The following MBNL2 variants were observed in gnomAD, a reference collection of about 807,000 sequenced individuals.
MBNL2 encodes the protein muscleblind like splicing regulator 2.
MBNL2 carries 17 observed loss-of-function variants against 41.9 expected under a neutral mutation model. The ratio of observed to expected loss-of-function variants is 0.41; its 90% CI spans 0.28 to 0.61. The LOEUF is 0.61. Ranked by LOEUF, MBNL2 falls within the 20% of genes least tolerant of loss-of-function variation. The pLI is 0.35. For missense variants in MBNL2, 336 were observed against 505.6 expected (o/e 0.66, Z 3.22); for synonymous variants, 195 against 182.9 (o/e 1.07, Z -0.53).
At chr13:97,311,680 A>G (rs2058624208) in intron 2 of MBNL2, among the ~76,000 whole-genome samples, 1 of 151,542 alleles carries the variant, frequency 6.6e-6, no homozygotes, top group Admixed American at 6.6e-5. Context: ...AAAAAAAACC[A>G]TGTGTAGATG....
At chr13:97,321,661 C>A (rs772475502) in intron 2 of MBNL2, among the ~76,000 whole-genome samples, 28 of 152,172 alleles carry the variant, frequency 1.8e-4, no homozygotes, top group Non-Finnish European at 3.4e-4. Context: ...CATTTCCTTA[C>A]CTTTAAATTG....
the MBNL2 span, among the ~76,000 whole-genome samples, chr13:97,160,521 A>G: frequency 6.6e-6 from 1 of 152,112 alleles, no homozygotes; most frequent in Non-Finnish European, 1.5e-5. Flanking sequence ...ATGAGGTGAC[A>G]CTAAATTTAA....
the MBNL2 span, among the ~76,000 whole-genome samples, chr13:97,185,118 C>T: frequency 6.6e-6 from 1 of 152,132 alleles, no homozygotes; most frequent in East Asian, 1.9e-4. Flanking sequence ...AGTGTTCATA[C>T]CTTAAGTTAT....
intron 1 of MBNL2, among the ~76,000 whole-genome samples, chr13:97,235,766 A>G (rs2043159736): frequency 1.3e-5 from 2 of 152,100 alleles, no homozygotes; most frequent in African/African-American, 4.8e-5. Context: ...AGAGCTGCAG[A>G]CGCTAGAGGG....
chr13:97,269,678 T>A (rs1566378950), intron 1 of MBNL2, among the ~76,000 whole-genome samples: 1 of 152,216 alleles, frequency 6.6e-6, no homozygotes, highest in Non-Finnish European at 1.5e-5. Flanking sequence ...GCTTAAGGTT[T>A]TTGTAGTGAC....
the MBNL2 span, among the ~76,000 whole-genome samples, chr13:97,199,221 G>A: frequency 2.8e-4 from 42 of 152,142 alleles, no homozygotes; most frequent in Non-Finnish European, 3.5e-4. Context: ...CCCTTACATC[G>A]TTCATGTCTC....
At chr13:97,199,191 C>T in the MBNL2 span, among the ~76,000 whole-genome samples, 2 of 152,186 alleles carry the variant, frequency 1.3e-5, no homozygotes, top group Non-Finnish European at 2.9e-5. Context: ...ACTGGTCCTC[C>T]AGAGATCTGA....
chr13:97,346,137 G>A lies in MBNL2; in HGVS notation c.541-667G>A, dbSNP rs77290446. 0.016 allele frequency among the ~76,000 whole-genome samples: 2,441 copies of A among 152,098 alleles called. 64 individuals are homozygous for A. Among genetic ancestry groups the A allele is most frequent in the African/African-American group, 0.048 (2,000 of 41,504 alleles). ...TGAATGAATGGCTGGCTGGATGGAC[G>A]GATAGATAGATGGTAGGTAGGTAGA... On this transcript the variant is annotated intron_variant, in intron 4 of 8. Coordinates refer to ENST00000679496, the MANE Select transcript of MBNL2 (RefSeq NM_001382683.1). The surrounding 1 kb of genome is among the most constrained non-coding windows in gnomAD (Gnocchi z 4.2).
At chr13:97,376,803 A>G (rs1447298846) in intron 8 of MBNL2, among the ~76,000 whole-genome samples, 1 of 152,200 alleles carries the variant, frequency 6.6e-6, no homozygotes, top group Non-Finnish European at 1.5e-5. Context: ...CCACCATCAT[A>G]CCATACCTCT....
At position 97,321,418 on chromosome 13, in the gene MBNL2, C is replaced by T. The variant is rs191329052; in HGVS notation, c.175-12858C>T. Among the ~76,000 whole-genome samples, 144 of 152,298 alleles carry T rather than the reference C, an allele frequency of 9.5e-4. 1 individual carries two copies. Among genetic ancestry groups the T allele is most frequent in the Admixed American group, 2.0e-3 (30 of 15,306 alleles). On this transcript the variant is annotated intron_variant, in intron 2 of 8. Transcript: ENST00000679496. The stretch of plus-strand genomic sequence containing the variant: ...ACATTTAACAGGCTTGGGACAGTGT[C>T]TGTTTTCTACTATCCACTGTCACCT...
Position 97,334,174 on chromosome 13 carries a change from A to ACACACACACC in MBNL2, c.175-100_175-99insCACACACCCA. 1.1e-6 allele frequency: 1 copy of ACACACACACC among 882,710 alleles called. No homozygotes were observed. Among genetic ancestry groups the ACACACACACC allele is most frequent in the Non-Finnish European group, 1.8e-6 (1 of 564,404 alleles). 54.7% of individuals were successfully genotyped at this position (882,710 alleles called of 1,614,324 possible). ...CACACACACACACACACACACACAC[A>ACACACACACC]CAGGATCCTTGCTTTTGTGCATAAG... is the stretch of plus-strand genomic sequence containing the variant. On this transcript the variant is annotated intron_variant, in intron 2 of 8. Transcript: ENST00000679496. This position sits in a 1 kb window ranked among gnomAD's most constrained non-coding sequence, Gnocchi z 5.3.
At chr13:97,269,160 A>T (rs2050420442) in intron 1 of MBNL2, among the ~76,000 whole-genome samples, 2 of 152,200 alleles carry the variant, frequency 1.3e-5, no homozygotes, top group African/African-American at 4.8e-5. Flanking sequence ...GGAAGGAGCT[A>T]ATTAGGGTAG....
At chr13:97,156,445 G>T in the MBNL2 span, among the ~76,000 whole-genome samples, 24 of 141,832 alleles carry the variant, frequency 1.7e-4, 1 homozygote, top group African/African-American at 3.5e-4. Context: ...ATTGCTTTTG[G>T]TGTTTTAGAC....
intron 1 of MBNL2, among the ~76,000 whole-genome samples, chr13:97,271,489 A>T (rs990653550): frequency 1.3e-5 from 2 of 152,130 alleles, no homozygotes; most frequent in African/African-American, 4.8e-5. Context: ...AACAGGATAC[A>T]TGTGCAGAAT....
intron 1 of MBNL2, among the ~76,000 whole-genome samples, chr13:97,260,937 T>G (rs927760551): frequency 6.6e-6 from 1 of 152,108 alleles, no homozygotes; most frequent in African/African-American, 2.4e-5. Flanking sequence ...TTTAAAAACA[T>G]TATCTCAAAC....
At chr13:97,357,394 A>G in intron 6 of MBNL2, 88 bp from the exon 7 acceptor site, 1 of 1,143,522 alleles carries the variant, frequency 8.7e-7, no homozygotes, top group South Asian at 1.3e-5. Flanking sequence ...TCATTTTTAA[A>G]AAGAATGTTG....
chr13:97,165,798 T>G, the MBNL2 span, among the ~76,000 whole-genome samples: 1 of 152,190 alleles, frequency 6.6e-6, no homozygotes. Flanking sequence ...GGTGTATACT[T>G]CAAAAAGCAT....
Position 97,268,240 on chromosome 13 carries a change from G to A in MBNL2, c.-604-7392G>A, listed in dbSNP as rs1359802520. Among the ~76,000 whole-genome samples the A allele has an allele frequency of 4.6e-5, 7 of 152,102 alleles. No individual in the cohort carries two copies. Among genetic ancestry groups the A allele is most frequent in the South Asian group, 2.1e-4 (1 of 4,824 alleles). ...CTCCTGAATAGCTGGGATTACAGGC[G>A]TGCGCCACCATGCACGCCCGGCTAA... On this transcript the variant is annotated intron_variant, in intron 1 of 8. Transcript: ENST00000679496. The surrounding 1 kb of genome is among the most constrained non-coding windows in gnomAD (Gnocchi z 4.6).
chr13:97,292,692 A>T (rs1398136202), intron 2 of MBNL2, among the ~76,000 whole-genome samples: 1 of 151,930 alleles, frequency 6.6e-6, no homozygotes, highest in Non-Finnish European at 1.5e-5. Context: ...TCTCTCGGTG[A>T]GCCCCAGGTC....
Sources: allele counts gnomAD v4.1 joint callset (sites outside exome capture counted in the v4.1 genomes callset), GRCh38; gene constraint gnomAD v4.1.1; non-coding constraint Gnocchi (gnomAD v3.1); transcripts MANE v1.5; gene names NCBI Gene and HGNC (gene_info 2026-07-23, HGNC 2026-07-21).